The following ERC2 variants were observed in gnomAD, a reference collection of about 807,000 sequenced individuals.
The protein encoded by ERC2 is ELKS/RAB6-interacting/CAST family member 2.
In ERC2, 42 loss-of-function variants were observed where a neutral mutation model predicts 114.8. The observed-to-expected ratio is 0.37, with a 90% CI of 0.29 to 0.47. The LOEUF is 0.47. ERC2 is among the 20% of genes least tolerant of loss of function. The probability of loss-of-function intolerance (pLI) is 0.99; values close to 1 mark genes in which losing one functional copy is unlikely to be tolerated. For synonymous variants in ERC2, 454 were observed against 425.5 expected, an observed-to-expected ratio of 1.07 and a Z score of -0.82; for missense variants, 939 against 1,150.7, an observed-to-expected ratio of 0.82 and a Z score of 2.66.
intron 2 of ERC2, among the ~76,000 whole-genome samples, chr3:56,416,359 A>G (rs761443076): frequency 1.3e-5 from 2 of 152,098 alleles, no homozygotes; most frequent in Non-Finnish European, 2.9e-5. Context: ...ACCCCTCTTC[A>G]TACTGGCCCA....
chr3:55,874,003 T>G (rs993147106), intron 14 of ERC2, among the ~76,000 whole-genome samples: 1 of 152,240 alleles, frequency 6.6e-6, no homozygotes, highest in African/African-American at 2.4e-5. Flanking sequence ...ATTTGTTTTA[T>G]GAATGAGTCA....
intron 2 of ERC2, among the ~76,000 whole-genome samples, chr3:56,318,961 C>CAAAAAAAAAAAAA (rs35256298): frequency 1.2e-5 from 1 of 81,592 alleles, no homozygotes; most frequent in Non-Finnish European, 2.4e-5. Flanking sequence ...GACCCTGTCT[C>CAAAAAAAAAAAAA]AAAAAAAAAA....
intron 14 of ERC2, among the ~76,000 whole-genome samples, chr3:55,815,926 G>A (rs1307136171): frequency 3.3e-5 from 5 of 152,188 alleles, no homozygotes; most frequent in Admixed American, 6.5e-5. Flanking sequence ...GGGAGCCTCT[G>A]GAAAACCTAC....
At chr3:56,276,346 C>G (rs1450502289) in intron 3 of ERC2, among the ~76,000 whole-genome samples, 4 of 150,602 alleles carry the variant, frequency 2.7e-5, no homozygotes, top group African/African-American at 9.7e-5. Flanking sequence ...TAGCAAGGAT[C>G]ACATGAAACC....
chr3:55,647,486 A>G (rs2060444290), intron 17 of ERC2, among the ~76,000 whole-genome samples: 1 of 152,222 alleles, frequency 6.6e-6, no homozygotes, highest in Non-Finnish European at 1.5e-5. Flanking sequence ...GATAAGAAAG[A>G]CTTACAACTG....
intron 3 of ERC2, among the ~76,000 whole-genome samples, chr3:56,286,142 G>A (rs1448062271): frequency 3.3e-5 from 5 of 152,098 alleles, no homozygotes; most frequent in Non-Finnish European, 7.4e-5. Flanking sequence ...GGCCGGGCGC[G>A]GTGGCTTGCA....
chr3:56,007,406 AGCAATAAAGTGT>A, intron 9 of ERC2, 85 bp from the exon 10 acceptor site: 1 of 1,218,802 alleles, frequency 8.2e-7, no homozygotes, highest in African/African-American at 1.5e-5. Flanking sequence ...TTCTATACAT[AGCAATAAAGTGT>A]GCAGTAGACA....
chr3:56,030,574 G>T (rs2074318722), intron 7 of ERC2, among the ~76,000 whole-genome samples: 1 of 151,986 alleles, frequency 6.6e-6, no homozygotes, highest in Non-Finnish European at 1.5e-5. Flanking sequence ...GTTACTGATG[G>T]TCCATAGTAA....
chr3:55,573,787 T>A (rs2056841599), intron 17 of ERC2, among the ~76,000 whole-genome samples: 1 of 152,128 alleles, frequency 6.6e-6, no homozygotes, highest in Non-Finnish European at 1.5e-5. Flanking sequence ...TAAGTATGGA[T>A]TCTGTCAACA....
rs186447568 is a variant in ERC2 at position 55,899,048 on chromosome 3, C to T, written c.2404-10499G>A. 2.4e-3 allele frequency among the ~76,000 whole-genome samples: 366 copies of T among 152,280 alleles called. 7 individuals are homozygous for T. The highest frequency in any genetic ancestry group is 0.014 in the East Asian group (72 of 5,184). Reference sequence around the variant, plus strand: ...GAAATGAATTCTTAACTTAATTTAACATTAATTAAAATTTAAATGTAAATA... The same window carrying T: ...GAAATGAATTCTTAACTTAATTTAATATTAATTAAAATTTAAATGTAAATA... On this transcript the variant is annotated intron_variant, in intron 13 of 17. Coordinates refer to ENST00000288221, the MANE Select transcript of ERC2 (RefSeq NM_015576.3).
At chr3:55,738,295 G>A (rs973426276) in intron 14 of ERC2, among the ~76,000 whole-genome samples, 1 of 152,136 alleles carries the variant, frequency 6.6e-6, no homozygotes, top group African/African-American at 2.4e-5. Flanking sequence ...CAGGAAGGAA[G>A]TATACCAAAA....
At chr3:55,714,667 GTATATATATATATATA>G (rs59969304) in intron 15 of ERC2, among the ~76,000 whole-genome samples, 7,583 of 87,932 alleles carry the variant, frequency 0.086, 282 homozygotes, top group African/African-American at 0.12. Context: ...GTGTGTGTGT[GTATATATATATATATA>G]TATATATATA....
At chr3:56,364,242 G>A (rs2059069367) in intron 2 of ERC2, among the ~76,000 whole-genome samples, 1 of 152,182 alleles carries the variant, frequency 6.6e-6, no homozygotes, top group African/African-American at 2.4e-5. Context: ...GGGGGATTGG[G>A]AAATGGAGAG....
intron 15 of ERC2, among the ~76,000 whole-genome samples, chr3:55,729,701 G>T (rs1196147012): frequency 6.6e-6 from 1 of 151,702 alleles, no homozygotes; most frequent in African/African-American, 2.4e-5. Flanking sequence ...AGCTAGGCAT[G>T]GTTGTGCACA....
chr3:55,969,637 T>A (rs1321335927), intron 12 of ERC2, among the ~76,000 whole-genome samples: 2 of 152,148 alleles, frequency 1.3e-5, no homozygotes, highest in African/African-American at 4.8e-5. Context: ...CAGGGTTGAG[T>A]GTTAAGTCCT....
chr3:55,818,131 C>G (rs559785520), intron 14 of ERC2, among the ~76,000 whole-genome samples: 4 of 152,292 alleles, frequency 2.6e-5, no homozygotes, highest in African/African-American at 9.6e-5. Context: ...ACAGCCAAGA[C>G]CTTCCAGAGC....
At chr3:55,735,073 G>A (rs1376712293) in intron 14 of ERC2, among the ~76,000 whole-genome samples, 155 bp from the exon 15 acceptor site, 2 of 152,096 alleles carry the variant, frequency 1.3e-5, no homozygotes, top group African/African-American at 2.4e-5. Flanking sequence ...CTTTCAGAAT[G>A]GACAAAGTAG....
chr3:55,512,738 C>G lies in ERC2; in HGVS notation c.*40-1462G>C, dbSNP rs2052179678. Among the ~76,000 whole-genome samples the G allele has an allele frequency of 2.0e-5, 3 of 152,148 alleles. No homozygotes were observed. In the South Asian group the frequency reaches 6.2e-4, roughly 32 times the overall value. On this transcript the variant is annotated intron_variant, in intron 17 of 17. Coordinates refer to ENST00000288221, the MANE Select transcript of ERC2 (RefSeq NM_015576.3). ...AGATTTCCAGCTGGGCAGCAGGTCA[C>G]AAGGCAGAATACAATGCCCCACAAT...
chr3:55,951,271 T>C (rs1330887151), intron 12 of ERC2, among the ~76,000 whole-genome samples: 1 of 152,190 alleles, frequency 6.6e-6, no homozygotes, highest in African/African-American at 2.4e-5. Context: ...TATTCTGAGA[T>C]CATAATCCAT....
Sources: allele counts gnomAD v4.1 joint callset (sites outside exome capture counted in the v4.1 genomes callset), GRCh38; gene constraint gnomAD v4.1.1; transcripts MANE v1.5; gene names NCBI Gene and HGNC (gene_info 2026-07-23, HGNC 2026-07-21).